Variants in ALPK2 observed in about 807,000 individuals in gnomAD.
ALPK2 encodes alpha kinase 2.
ALPK2 carries 127 observed loss-of-function variants against 163.1 expected under a neutral mutation model. The observed-to-expected ratio is 0.78, with a 90% CI of 0.67 to 0.90. ALPK2 has a LOEUF of 0.90. Among genes scored for constraint, ALPK2 ranks in the 40% least tolerant of loss-of-function variants. ALPK2 has a pLI of 0.00. For synonymous variants in ALPK2, 953 were observed against 959.1 expected, an observed-to-expected ratio of 0.99 and a Z score of 0.12; for missense variants, 2,360 against 2,589.6, an observed-to-expected ratio of 0.91 and a Z score of 1.92.
chr18:58,620,868 G>A (rs1288978606), intron 1 of ALPK2, among the ~76,000 whole-genome samples: 3 of 152,016 alleles, frequency 2.0e-5, no homozygotes, highest in African/African-American at 4.8e-5. Flanking sequence ...TAAAAAGAAC[G>A]AGACAGGCCC....
At chr18:58,613,716 ATAATAAT>A (rs1568101801) in intron 1 of ALPK2, among the ~76,000 whole-genome samples, 11 of 127,574 alleles carry the variant, frequency 8.6e-5, no homozygotes, top group African/African-American at 3.5e-4. Context: ...AAAAATAATA[ATAATAAT>A]AATAATAATA....
intron 4 of ALPK2, among the ~76,000 whole-genome samples, chr18:58,550,797 C>CACATT (rs1398093384): frequency 6.7e-6 from 1 of 149,064 alleles, no homozygotes; most frequent in Non-Finnish European, 1.5e-5. Context: ...ACATCTCCAT[C>CACATT]ACATACAACC....
intron 6 of ALPK2, 119 bp from the exon 7 acceptor site, chr18:58,524,181 C>G: frequency 7.2e-7 from 1 of 1,382,762 alleles, no homozygotes; most frequent in Non-Finnish European, 9.7e-7. Flanking sequence ...AGCCAGTGAG[C>G]TGCCCAAAGG....
intron 9 of ALPK2, among the ~76,000 whole-genome samples, chr18:58,515,535 A>G (rs1051332608): frequency 6.6e-6 from 1 of 152,238 alleles, no homozygotes; most frequent in African/African-American, 2.4e-5. Flanking sequence ...TGGATTCTGC[A>G]TCCTATGCTG....
chr18:58,486,652 T>C (rs2144095223), intron 12 of ALPK2, among the ~76,000 whole-genome samples: 1 of 152,182 alleles, frequency 6.6e-6, no homozygotes, highest in East Asian at 1.9e-4. Flanking sequence ...AACTTCCCTT[T>C]CCCTGTCTTT....
chr18:58,521,795 T>G (rs1396133834), intron 8 of ALPK2, among the ~76,000 whole-genome samples: 2 of 151,788 alleles, frequency 1.3e-5, no homozygotes, highest in East Asian at 3.9e-4. Context: ...GCCGCGCTAA[T>G]TTTTGTATTT....
In ALPK2 at chr18:58,508,217, AAAAC is replaced by A. The variant is rs551308482; in HGVS notation, c.6030-4073_6030-4070del. Among the ~76,000 whole-genome samples the A allele has an allele frequency of 2.6e-3, 395 of 152,274 alleles. 2 individuals carry two copies. Among genetic ancestry groups the A allele is most frequent in the Non-Finnish European group, 3.8e-3 (257 of 68,026 alleles). ...CTAGCCCCCTGCATTCTAAACTATT[AAAAC>A]AAACAAACAACAAAAAAAACCCAGG... On this transcript the variant is annotated intron_variant, in intron 10 of 12. Coordinates refer to ENST00000361673, the MANE Select transcript of ALPK2 (RefSeq NM_052947.4).
chr18:58,495,675 T>C (rs2144104675), intron 12 of ALPK2, among the ~76,000 whole-genome samples: 1 of 152,200 alleles, frequency 6.6e-6, no homozygotes, highest in African/African-American at 2.4e-5. Context: ...TTTGTTTTGG[T>C]AGAGAGTTGT....
chr18:58,523,161 G>A (rs1480686810), intron 8 of ALPK2, among the ~76,000 whole-genome samples: 3 of 146,852 alleles, frequency 2.0e-5, no homozygotes, highest in Admixed American at 1.4e-4. Flanking sequence ...AGAACATGCG[G>A]TGTTTGGTTT....
intron 10 of ALPK2, among the ~76,000 whole-genome samples, chr18:58,505,968 T>C (rs1352350951): frequency 6.6e-6 from 1 of 152,156 alleles, no homozygotes; most frequent in Non-Finnish European, 1.5e-5. Context: ...TTCCTCATCC[T>C]CTCCCCTTTA....
At chr18:58,539,693 G>A (rs776979916) in intron 4 of ALPK2, among the ~76,000 whole-genome samples, 26 of 152,176 alleles carry the variant, frequency 1.7e-4, no homozygotes, top group Admixed American at 3.3e-4. Flanking sequence ...GTCTCCCAGC[G>A]TATGACAAAA....
Position 58,536,432 on chromosome 18 carries a change from CGTG to C in ALPK2, c.3752_3754del (p.Pro1251del). 1.2e-6 allele frequency: 2 copies of C among 1,614,098 alleles called. No individual in the cohort carries two copies. Among genetic ancestry groups the C allele is most frequent in the East Asian group, 2.2e-5 (1 of 44,890 alleles). On this transcript the variant is annotated inframe_deletion, in exon 5 of 13. Transcript: ENST00000361673. ...CTTGCTCTCAGAATTTGTCAGTTGT[CGTG>C]GTGGCCAGATTTCAGAAGCGGAAGC...
At chr18:58,557,604 AAG>A (rs2051800071) in intron 4 of ALPK2, among the ~76,000 whole-genome samples, 1 of 152,116 alleles carries the variant, frequency 6.6e-6, no homozygotes, top group African/African-American at 2.4e-5. Flanking sequence ...TAAAGAGAAA[AAG>A]AATTATATAT....
At chr18:58,600,027 C>CTTTTT (rs1166291584) in intron 3 of ALPK2, among the ~76,000 whole-genome samples, 2,934 of 66,870 alleles carry the variant, frequency 0.044, 474 homozygotes, top group Non-Finnish European at 0.058. Context: ...ATGGGGATAT[C>CTTTTT]TTTTTTTTTT....
intron 12 of ALPK2, among the ~76,000 whole-genome samples, chr18:58,492,318 T>A (rs1331416370): frequency 2.6e-5 from 4 of 151,874 alleles, no homozygotes; most frequent in African/African-American, 4.8e-5. Flanking sequence ...TCCCCACACC[T>A]CCTTTTCTGG....
chr18:58,605,643 G>A (rs1412870101), intron 3 of ALPK2, among the ~76,000 whole-genome samples: 2 of 152,208 alleles, frequency 1.3e-5, no homozygotes, highest in African/African-American at 4.8e-5. Flanking sequence ...AAACCCATGG[G>A]TAACTAGAAT....
intron 11 of ALPK2, among the ~76,000 whole-genome samples, chr18:58,501,070 T>C (rs1457475346): frequency 6.6e-6 from 1 of 152,252 alleles, no homozygotes; most frequent in African/African-American, 2.4e-5. Context: ...AGAGAATAGA[T>C]GCGCTATCTC....
At chr18:58,547,797 C>T (rs907618954) in intron 4 of ALPK2, among the ~76,000 whole-genome samples, 4 of 152,168 alleles carry the variant, frequency 2.6e-5, no homozygotes, top group Admixed American at 1.3e-4. Flanking sequence ...CAGAATGAAT[C>T]CCTGCTGTAT....
At chr18:58,533,750 C>T (rs370996602) in intron 5 of ALPK2, among the ~76,000 whole-genome samples, 5 of 152,096 alleles carry the variant, frequency 3.3e-5, no homozygotes, top group South Asian at 2.1e-4. Context: ...GCCACAATGC[C>T]GAGCCATTCT....
Sources: gnomAD v4.1 joint callset for allele counts (sites outside exome capture counted in the v4.1 genomes callset) on GRCh38, gnomAD v4.1.1 for gene constraint, MANE v1.5 for transcripts, NCBI Gene and HGNC (gene_info 2026-07-23, HGNC 2026-07-21) for gene names.